Variants in PHACTR1 observed in about 807,000 individuals in gnomAD.
PHACTR1 encodes phosphatase and actin regulator 1.
In PHACTR1, 16 loss-of-function variants were observed where a neutral mutation model predicts 69.2. That is an observed-to-expected ratio of 0.23 (90% CI 0.16 to 0.35). PHACTR1 has a LOEUF of 0.35. Ranked by LOEUF, PHACTR1 falls within the 10% of genes least tolerant of loss-of-function variation. The pLI, the probability that PHACTR1 is intolerant of heterozygous loss-of-function variation, is 1.00. For synonymous variants in PHACTR1, 312 were observed against 284.5 expected (o/e 1.10, Z -0.97); for missense variants, 510 against 734.7 (o/e 0.69, Z 3.54).
chr6:13,029,778 A>C (rs183665339), intron 4 of PHACTR1, among the ~76,000 whole-genome samples: 1 of 152,244 alleles, frequency 6.6e-6, no homozygotes, highest in Non-Finnish European at 1.5e-5. Flanking sequence ...GTGCAAATGC[A>C]GTGAGAAGCA....
At chr6:12,812,789 AAG>A (rs541293426) in intron 4 of PHACTR1, among the ~76,000 whole-genome samples, 40 of 152,320 alleles carry the variant, frequency 2.6e-4, no homozygotes, top group African/African-American at 9.4e-4. Flanking sequence ...TAGGACTCAA[AAG>A]AGAGACTTAT....
At chr6:13,089,491 G>A (rs73368197) in intron 5 of PHACTR1, among the ~76,000 whole-genome samples, 19,662 of 152,134 alleles carry the variant, frequency 0.13, 4,203 homozygotes, top group African/African-American at 0.44. Context: ...TTTCCTGAAG[G>A]ATTCTGACTC....
intron 10 of PHACTR1, among the ~76,000 whole-genome samples, chr6:13,247,326 CGTGTGTGTGTGTGTGT>C (rs60972913): frequency 1.0e-4 from 14 of 138,998 alleles, no homozygotes; most frequent in African/African-American, 3.6e-4. Context: ...CAAGTTCCCT[CGTGTGTGTGTGTGTGT>C]GTGTGTGTGT....
chr6:13,055,339 AAAC>A (rs1289402381), intron 5 of PHACTR1, among the ~76,000 whole-genome samples: 1 of 152,216 alleles, frequency 6.6e-6, no homozygotes, highest in Non-Finnish European at 1.5e-5. Flanking sequence ...GCATCCTTAA[AAAC>A]AACTGAGTGA....
chr6:13,242,305 T>C (rs1396723111), intron 10 of PHACTR1, among the ~76,000 whole-genome samples: 11 of 152,060 alleles, frequency 7.2e-5, no homozygotes, highest in Non-Finnish European at 1.2e-4. Context: ...TTCAAGGGAG[T>C]GTGGAAAACA....
intron 3 of PHACTR1, among the ~76,000 whole-genome samples, chr6:12,743,618 T>C (rs1383069752): frequency 6.6e-6 from 1 of 152,166 alleles, no homozygotes; most frequent in Non-Finnish European, 1.5e-5. Flanking sequence ...CTATCTTAAA[T>C]ATATATGCAC....
chr6:12,997,941 A>G (rs1225878771), intron 4 of PHACTR1, among the ~76,000 whole-genome samples: 2 of 152,172 alleles, frequency 1.3e-5, no homozygotes, highest in South Asian at 2.1e-4. Flanking sequence ...CGACAGAGCC[A>G]GACTCCGTCT....
chr6:12,897,412 C>T (rs1184607687), intron 4 of PHACTR1, among the ~76,000 whole-genome samples: 1 of 152,122 alleles, frequency 6.6e-6, no homozygotes, highest in African/African-American at 2.4e-5. Flanking sequence ...TCTATCATCC[C>T]TCTGCTTCTA....
chr6:13,132,984 A>G (rs112671188), intron 5 of PHACTR1, among the ~76,000 whole-genome samples: 1,941 of 152,258 alleles, frequency 0.013, 36 homozygotes, highest in African/African-American at 0.042. Flanking sequence ...ACTTCCTTCA[A>G]AATTGGAGTC....
chr6:13,218,916 AAG>A, intron 8 of PHACTR1, among the ~76,000 whole-genome samples: 2 of 126,054 alleles, frequency 1.6e-5, no homozygotes, highest in Non-Finnish European at 3.4e-5. Flanking sequence ...GAGAAGAGAA[AAG>A]GTAGAAAAAG....
chr6:13,146,596 C>T (rs547949945), intron 5 of PHACTR1, among the ~76,000 whole-genome samples: 111 of 152,326 alleles, frequency 7.3e-4, no homozygotes, highest in Middle Eastern at 3.4e-3. Flanking sequence ...ATTAACTTGG[C>T]ACCACAAAAC....
intron 5 of PHACTR1, among the ~76,000 whole-genome samples, chr6:13,073,331 ATTTTTTTTTTT>A (rs10664160): frequency 6.1e-5 from 4 of 65,672 alleles, no homozygotes; most frequent in African/African-American, 1.4e-4. Context: ...CATTCCATGA[ATTTTTTTTTTT>A]TTTTTTTTTT....
intron 4 of PHACTR1, among the ~76,000 whole-genome samples, chr6:12,832,799 G>C (rs2127730800): frequency 1.3e-5 from 2 of 152,128 alleles, no homozygotes; most frequent in Non-Finnish European, 2.9e-5. Flanking sequence ...CTCTTATGTT[G>C]TCAGGCACAC....
intron 4 of PHACTR1, among the ~76,000 whole-genome samples, chr6:12,906,576 T>TA (rs1785755164): frequency 6.6e-6 from 1 of 152,190 alleles, no homozygotes; most frequent in South Asian, 2.1e-4. Context: ...AATAAATACA[T>TA]AAAAGGAGAA....
intron 5 of PHACTR1, among the ~76,000 whole-genome samples, chr6:13,076,180 AC>A (rs1247733386): frequency 6.6e-6 from 1 of 152,154 alleles, no homozygotes; most frequent in East Asian, 1.9e-4. Context: ...GCTAAATAAG[AC>A]ACAGTCACCC....
intron 12 of PHACTR1, chr6:13,280,737 G>A (rs989751136): frequency 1.1e-4 from 35 of 325,280 alleles, no homozygotes; most frequent in South Asian, 7.4e-4. Flanking sequence ...ACATGCCTGC[G>A]GCCAGGCGCA....
chr6:12,808,850 CCTT>C (rs373692714), intron 4 of PHACTR1, among the ~76,000 whole-genome samples: 18 of 150,694 alleles, frequency 1.2e-4, no homozygotes, highest in South Asian at 6.4e-4. Flanking sequence ...TCCTCCTCCT[CCTT>C]CTTCTTCTTT....
chr6:13,210,265 T>C (rs1766612574), intron 8 of PHACTR1, among the ~76,000 whole-genome samples: 1 of 152,178 alleles, frequency 6.6e-6, no homozygotes, highest in Admixed American at 6.5e-5. Flanking sequence ...TCATCCTGCC[T>C]CAGCCTCCCA....
chr6:12,979,702 T>G (rs1795282343), intron 4 of PHACTR1, among the ~76,000 whole-genome samples: 1 of 150,762 alleles, frequency 6.6e-6, no homozygotes, highest in Non-Finnish European at 1.5e-5. Flanking sequence ...CAGTGAGTTT[T>G]CCTTTAAAGA....
Sources: gnomAD v4.1 joint callset for allele counts (sites outside exome capture counted in the v4.1 genomes callset) on GRCh38, gnomAD v4.1.1 for gene constraint, MANE v1.5 for transcripts, NCBI Gene and HGNC (gene_info 2026-07-23, HGNC 2026-07-21) for gene names.